Variants in SVIL observed in about 807,000 individuals in gnomAD.
The protein encoded by SVIL is supervillin.
Under a neutral mutation model 240.4 loss-of-function variants are expected in SVIL, and 101 were observed. That is an observed-to-expected ratio of 0.42 (90% CI 0.36 to 0.50). The LOEUF (loss-of-function observed/expected upper bound fraction) is 0.50, where lower values mean the gene tolerates loss of function less well. Ranked by LOEUF, SVIL falls within the 20% of genes least tolerant of loss-of-function variation. The probability of loss-of-function intolerance (pLI) is 0.01; values close to 1 mark genes in which losing one functional copy is unlikely to be tolerated. For synonymous variants in SVIL, 999 were observed against 1,100.0 expected (o/e 0.91, Z 1.82); for missense variants, 2,512 against 2,818.7 (o/e 0.89, Z 2.46).
chr10:29,523,569 C>T lies in SVIL; in HGVS notation c.3045G>A (p.Pro1015=), dbSNP rs573451026. The change falls in exon 15 of 38, where the codon CCG becomes CCA. Residue 1015 remains proline (P), a synonymous_variant. Transcript: ENST00000355867. ...TCATTTTAGCCATGGAAAATTCCTT[C>T]GGTTCATCCCCGAGGTGGGTGATGG... The part of the protein sequence containing the change: ...NPPITHLGDE[P]KEFSMAKMNA... The T allele has an allele frequency of 1.1e-5, 17 of 1,614,032 alleles. No individual in the cohort carries two copies. The East Asian group carries it at 1.1e-4, about 11-fold the overall frequency.
At chr10:29,489,021 G>A (rs943211320) in intron 22 of SVIL, among the ~76,000 whole-genome samples, 2 of 152,208 alleles carry the variant, frequency 1.3e-5, no homozygotes, top group Non-Finnish European at 2.9e-5. Flanking sequence ...GTGATGACGT[G>A]GACCAGCTAC....
In SVIL at chr10:29,484,622, T is replaced by C. The variant is rs1947219172; in HGVS notation, c.4955+34A>G. The C allele has an allele frequency of 3.1e-6, 5 of 1,590,220 alleles. No individual in the cohort carries two copies. In the South Asian group the frequency reaches 4.6e-5, roughly 15 times the overall value. ...GAGGGATCGAAGGGAATCAGCTCGC[T>C]TGAAGAGCTGTCCCCGGGCGGCGGC... is the stretch of plus-strand genomic sequence containing the variant. On this transcript the variant is annotated intron_variant, in intron 27 of 37. Transcript: ENST00000355867. The surrounding 1 kb of genome is among the most constrained non-coding windows in gnomAD (Gnocchi z 4.7).
chr10:29,486,251 G>A (rs1947390709), intron 25 of SVIL, 21 bp from the exon 26 acceptor site: 1 of 1,613,052 alleles, frequency 6.2e-7, no homozygotes. Context: ...AGAAGAACAG[G>A]AGAGCATCAC....
At chr10:29,703,091 C>G (rs1249513589) in intron 1 of SVIL, among the ~76,000 whole-genome samples, 1 of 152,088 alleles carries the variant, frequency 6.6e-6, no homozygotes, top group Non-Finnish European at 1.5e-5. Context: ...GTGAAAGGAT[C>G]TAGGCATTTA....
chr10:29,549,611 T>C (rs942604084), intron 6 of SVIL, among the ~76,000 whole-genome samples: 4 of 146,804 alleles, frequency 2.7e-5, no homozygotes, highest in Non-Finnish European at 6.0e-5. Flanking sequence ...AGCAAAGACT[T>C]GGAACCAACC....
At chr10:29,481,891 A>C (rs1370657466) in intron 27 of SVIL, among the ~76,000 whole-genome samples, 163 bp from the exon 28 acceptor site, 6 of 152,190 alleles carry the variant, frequency 3.9e-5, no homozygotes, top group Admixed American at 6.5e-5. Flanking sequence ...TTACCAAATA[A>C]TGACATTTTG....
At chr10:29,550,053 G>A (rs1479221959) in intron 6 of SVIL, among the ~76,000 whole-genome samples, 5 of 110,952 alleles carry the variant, frequency 4.5e-5, no homozygotes, top group African/African-American at 1.0e-4. Context: ...ACGAAGAAAA[G>A]AAAAAGAAAA....
intron 1 of SVIL, among the ~76,000 whole-genome samples, chr10:29,619,792 A>T (rs941999648): frequency 1.3e-5 from 2 of 152,238 alleles, no homozygotes; most frequent in Admixed American, 6.5e-5. Context: ...ATTGTCATGT[A>T]CTCATTTTCT....
upstream of SVIL, among the ~76,000 whole-genome samples, chr10:29,637,469 G>A (rs1341789625): frequency 6.6e-6 from 1 of 152,128 alleles, no homozygotes; most frequent in Non-Finnish European, 1.5e-5. Context: ...CTCCAGCCTG[G>A]GCCACAGAGT....
chr10:29,538,916 C>T (rs1298255571), intron 6 of SVIL, among the ~76,000 whole-genome samples: 1 of 152,146 alleles, frequency 6.6e-6, no homozygotes, highest in African/African-American at 2.4e-5. Flanking sequence ...GTAATCCCAG[C>T]CCTTTTGGAG....
intron 3 of SVIL, among the ~76,000 whole-genome samples, chr10:29,652,686 G>C (rs377084444): frequency 9.2e-5 from 14 of 152,230 alleles, no homozygotes; most frequent in African/African-American, 2.9e-4. Flanking sequence ...GGAAACACGG[G>C]CATTCCAATT....
At chr10:29,613,256 C>T (rs1258329967) in intron 1 of SVIL, among the ~76,000 whole-genome samples, 1 of 151,376 alleles carries the variant, frequency 6.6e-6, no homozygotes, top group South Asian at 2.1e-4. Flanking sequence ...GTTGATAATC[C>T]CTACCCTCTG....
chr10:29,519,695 T>C lies in SVIL; in HGVS notation c.3389+2715A>G, dbSNP rs551791867. Among the ~76,000 whole-genome samples the C allele has an allele frequency of 3.9e-5, 6 of 152,374 alleles. No individual in the cohort carries two copies. The South Asian group carries it at 1.0e-3, about 26-fold the overall frequency. On this transcript the variant is annotated intron_variant, in intron 16 of 37. Transcript: ENST00000355867. ...GCATTAGTGTAATTTATTACAAGCA[T>C]AGCTGCTAAATAAAGTGTCCCTTGT...
intron 37 of SVIL, 48 bp downstream of exon 37, chr10:29,458,386 C>G: frequency 2.5e-6 from 4 of 1,610,566 alleles, no homozygotes; most frequent in Non-Finnish European, 3.4e-6. Flanking sequence ...GCCGGGCGTG[C>G]GTGTGTTGTT....
intron 10 of SVIL, 113 bp from the exon 11 acceptor site, chr10:29,530,781 T>G: frequency 3.0e-5 from 32 of 1,066,260 alleles, no homozygotes; most frequent in Non-Finnish European, 4.1e-5. Flanking sequence ...ATAGGTGCAC[T>G]AAAATAATAA....
chr10:29,655,369 C>G (rs1958966836), intron 3 of SVIL, among the ~76,000 whole-genome samples: 1 of 152,118 alleles, frequency 6.6e-6, no homozygotes, highest in African/African-American at 2.4e-5. Flanking sequence ...GGCCGAAGAA[C>G]CTGGAATTTG....
At chr10:29,618,417 T>C (rs974599711) in intron 1 of SVIL, among the ~76,000 whole-genome samples, 1 of 152,192 alleles carries the variant, frequency 6.6e-6, no homozygotes, top group African/African-American at 2.4e-5. Flanking sequence ...GCACAGCCTC[T>C]GGGGCTTCAG....
chr10:29,708,373 C>A (rs1171886234), intron 1 of SVIL, among the ~76,000 whole-genome samples: 1 of 151,770 alleles, frequency 6.6e-6, no homozygotes, highest in Non-Finnish European at 1.5e-5. Context: ...GTAATCCCAG[C>A]ACTTTGGGAG....
At chr10:29,619,769 A>G (rs984027977) in intron 1 of SVIL, among the ~76,000 whole-genome samples, 9 of 152,252 alleles carry the variant, frequency 5.9e-5, no homozygotes, top group Non-Finnish European at 1.3e-4. Context: ...TTGCTCTACT[A>G]AAATCAAACT....
Sources: allele counts gnomAD v4.1 joint callset (sites outside exome capture counted in the v4.1 genomes callset), GRCh38; gene constraint gnomAD v4.1.1; non-coding constraint Gnocchi (gnomAD v3.1); transcripts MANE v1.5; gene names NCBI Gene and HGNC (gene_info 2026-07-23, HGNC 2026-07-21).